Variants in NTNG1 observed in about 807,000 individuals in gnomAD.
The protein encoded by NTNG1 is netrin G1.
NTNG1 carries 16 observed loss-of-function variants against 54.0 expected under a neutral mutation model. That is an observed-to-expected ratio of 0.30 (90% confidence interval 0.20 to 0.45). NTNG1 has a LOEUF of 0.45. Among genes scored for constraint, NTNG1 ranks in the 20% least tolerant of loss-of-function variants. NTNG1 has a pLI of 1.00. For missense variants in NTNG1, 530 were observed against 678.7 expected, an observed-to-expected ratio of 0.78 and a Z score of 2.43; for synonymous variants, 255 against 263.1, an observed-to-expected ratio of 0.97 and a Z score of 0.30.
intron 6 of NTNG1, among the ~76,000 whole-genome samples, chr1:107,431,547 T>A (rs1402501216): frequency 6.6e-6 from 1 of 152,160 alleles, no homozygotes; most frequent in Non-Finnish European, 1.5e-5. Context: ...CCTGGAAAAC[T>A]GCGTCCACAG....
intron 3 of NTNG1, among the ~76,000 whole-genome samples, chr1:107,358,511 A>G (rs1434303276): frequency 2.1e-4 from 32 of 152,056 alleles, no homozygotes; most frequent in Admixed American, 2.1e-3. Context: ...GTTGCATTCT[A>G]GTGTTGATCT....
At chr1:107,440,235 C>A (rs1407415586) in intron 7 of NTNG1, among the ~76,000 whole-genome samples, 2 of 151,948 alleles carry the variant, frequency 1.3e-5, no homozygotes, top group Non-Finnish European at 2.9e-5. Context: ...TCAAAAGGAG[C>A]CATGTGGAAT....
At chr1:107,191,278 GT>G (rs1376857784) in intron 2 of NTNG1, among the ~76,000 whole-genome samples, 5 of 149,720 alleles carry the variant, frequency 3.3e-5, no homozygotes, top group Non-Finnish European at 7.4e-5. Context: ...GGGGTTGTTT[GT>G]TTTTTTCTTG....
At chr1:107,446,763 T>C (rs1676331103) in intron 7 of NTNG1, among the ~76,000 whole-genome samples, 1 of 152,140 alleles carries the variant, frequency 6.6e-6, no homozygotes, top group South Asian at 2.1e-4. Flanking sequence ...TTACAAAGTT[T>C]TCTGTTTACA....
At position 107,452,265 on chromosome 1, in the gene NTNG1, G is replaced by A. The variant is rs556876427; in HGVS notation, c.1390+15466G>A. 4.6e-5 allele frequency among the ~76,000 whole-genome samples: 7 copies of A among 152,228 alleles called. No homozygotes were observed. In the East Asian group the frequency reaches 1.3e-3, roughly 29 times the overall value. The stretch of plus-strand genomic sequence containing the variant: ...GGGAAGGATTTTCATCTGTCAATGA[G>A]CCACTAAACCTGTAAATGGAAATTC... On this transcript the variant is annotated intron_variant, in intron 7 of 7. Coordinates refer to ENST00000370068, the MANE Select transcript of NTNG1 (RefSeq NM_001113226.3).
At chr1:107,157,158 A>G (rs74108069) in intron 2 of NTNG1, among the ~76,000 whole-genome samples, 2,436 of 152,276 alleles carry the variant, frequency 0.016, 71 homozygotes, top group African/African-American at 0.055. Context: ...TATACTGATT[A>G]TGATCCACAA....
chr1:107,269,540 G>A (rs937036346), intron 2 of NTNG1, among the ~76,000 whole-genome samples: 2 of 152,080 alleles, frequency 1.3e-5, no homozygotes, highest in African/African-American at 4.8e-5. Flanking sequence ...GATTCTATAG[G>A]TTCCCCCTTC....
chr1:107,354,815 G>A (rs1253720737), intron 3 of NTNG1, among the ~76,000 whole-genome samples: 1 of 152,108 alleles, frequency 6.6e-6, no homozygotes, highest in African/African-American at 2.4e-5. Flanking sequence ...CCCTTTTGTG[G>A]GTGTGCTCTG....
chr1:107,422,975 C>T (rs922330813), intron 5 of NTNG1, among the ~76,000 whole-genome samples: 8 of 152,034 alleles, frequency 5.3e-5, no homozygotes, highest in Non-Finnish European at 1.0e-4. Flanking sequence ...CTTTCATTCT[C>T]TGTGTCCAAC....
chr1:107,250,430 G>C (rs1035120020), intron 2 of NTNG1, among the ~76,000 whole-genome samples: 2 of 151,452 alleles, frequency 1.3e-5, no homozygotes, highest in African/African-American at 4.9e-5. Flanking sequence ...ATGCTCTCAA[G>C]AAAGACAGCT....
intron 7 of NTNG1, among the ~76,000 whole-genome samples, chr1:107,453,584 T>C (rs973302131): frequency 6.6e-6 from 1 of 152,202 alleles, no homozygotes; most frequent in African/African-American, 2.4e-5. Flanking sequence ...AGCCTGGATT[T>C]CTTCTACAAT....
chr1:107,369,793 A>G (rs1227893934), intron 3 of NTNG1, among the ~76,000 whole-genome samples: 1 of 152,062 alleles, frequency 6.6e-6, no homozygotes, highest in Admixed American at 6.5e-5. Context: ...TGCCACATCT[A>G]AGAAACCTTT....
intron 2 of NTNG1, among the ~76,000 whole-genome samples, chr1:107,211,693 G>A (rs553248741): frequency 2.1e-4 from 32 of 152,250 alleles, no homozygotes; most frequent in Admixed American, 3.3e-4. Flanking sequence ...ACACAGAGAT[G>A]TCTGCTTAAT....
chr1:107,412,549 A>AT (rs1448569318), intron 5 of NTNG1, among the ~76,000 whole-genome samples: 3 of 152,140 alleles, frequency 2.0e-5, no homozygotes, highest in African/African-American at 7.2e-5. Flanking sequence ...CCTACCCTAG[A>AT]TTTTTTCCAA....
intron 5 of NTNG1, chr1:107,421,236 C>T: frequency 1.1e-6 from 1 of 871,076 alleles, no homozygotes; most frequent in Non-Finnish European, 1.9e-6. Flanking sequence ...GAAGTGTACC[C>T]ATCAGCTTAT....
chr1:107,376,318 G>GAA (rs1671238148), intron 3 of NTNG1, among the ~76,000 whole-genome samples: 1 of 151,988 alleles, frequency 6.6e-6, no homozygotes, highest in Admixed American at 6.6e-5. Context: ...TGAGGCATGG[G>GAA]AATGGCGTGA....
At position 107,285,947 on chromosome 1, in the gene NTNG1, G is replaced by A. The variant is rs554543226; in HGVS notation, c.247-38335G>A. 7.2e-5 allele frequency among the ~76,000 whole-genome samples: 11 copies of A among 152,048 alleles called. No homozygotes were observed. In the East Asian group the frequency reaches 2.1e-3, roughly 29 times the overall value. The stretch of plus-strand genomic sequence containing the variant: ...CCGCTATCTCTTGGAATTAGCAATA[G>A]AATTAACAATAAAAAAATAAATGTC... On this transcript the variant is annotated intron_variant, in intron 2 of 7. Coordinates refer to ENST00000370068, the MANE Select transcript of NTNG1 (RefSeq NM_001113226.3).
At chr1:107,422,636 T>C (rs1674648497) in intron 5 of NTNG1, among the ~76,000 whole-genome samples, 1 of 152,122 alleles carries the variant, frequency 6.6e-6, no homozygotes, top group African/African-American at 2.4e-5. Flanking sequence ...AGGAAAATGC[T>C]AGAGCCTCTT....
chr1:107,386,165 A>ATTTT (rs71098628), intron 3 of NTNG1, among the ~76,000 whole-genome samples: 14 of 120,788 alleles, frequency 1.2e-4, no homozygotes, highest in East Asian at 7.0e-4. Flanking sequence ...ATATATATAT[A>ATTTT]TTTTTTTTTT....
Sources: allele counts gnomAD v4.1 joint callset (sites outside exome capture counted in the v4.1 genomes callset), GRCh38; gene constraint gnomAD v4.1.1; transcripts MANE v1.5; gene names NCBI Gene and HGNC (gene_info 2026-07-23, HGNC 2026-07-21).